Variants in PRR16 observed in about 807,000 individuals in gnomAD.
PRR16 encodes the protein proline rich 16.
PRR16 carries 6 observed loss-of-function variants against 18.2 expected under a neutral mutation model. That is an observed-to-expected ratio of 0.33 (90% confidence interval 0.18 to 0.65). The LOEUF (loss-of-function observed/expected upper bound fraction) is 0.65, where lower values mean the gene tolerates loss of function less well. PRR16 is among the 30% of genes least tolerant of loss of function. The pLI, the probability that PRR16 is intolerant of heterozygous loss-of-function variation, is 0.74. For missense variants in PRR16, 412 were observed against 376.6 expected, an observed-to-expected ratio of 1.09 and a Z score of -0.78; for synonymous variants, 151 against 147.8, an observed-to-expected ratio of 1.02 and a Z score of -0.16.
the PRR16 span, chr5:120,789,931 T>A: frequency 6.6e-6 from 1 of 152,188 alleles, no homozygotes; most frequent in Admixed American, 6.6e-5. Context: ...CATATTTATA[T>A]TTTGTTTTCC....
chr5:120,672,033 T>C (rs547336127), intron 1 of PRR16, among the ~76,000 whole-genome samples: 1 of 152,346 alleles, frequency 6.6e-6, no homozygotes, highest in African/African-American at 2.4e-5. Context: ...TGCCCAGGAT[T>C]TCCTGCCCTT....
At chr5:120,664,069 C>T (rs942879604) in intron 1 of PRR16, among the ~76,000 whole-genome samples, 2 of 152,142 alleles carry the variant, frequency 1.3e-5, no homozygotes, top group African/African-American at 2.4e-5. Flanking sequence ...GAGGCCGAGG[C>T]GGGCAGATCA....
At chr5:120,733,123 G>T in the PRR16 span, among the ~76,000 whole-genome samples, 2 of 152,058 alleles carry the variant, frequency 1.3e-5, no homozygotes, top group African/African-American at 4.8e-5. Flanking sequence ...ATAATGTGGT[G>T]GTATCTTTGG....
chr5:120,535,210 G>A (rs1381722994), intron 1 of PRR16, among the ~76,000 whole-genome samples: 1 of 152,074 alleles, frequency 6.6e-6, no homozygotes, highest in Non-Finnish European at 1.5e-5. Flanking sequence ...GTATCGTCAT[G>A]AGGAAGAGTA....
intron 1 of PRR16, among the ~76,000 whole-genome samples, chr5:120,579,955 GT>G (rs1753212439): frequency 6.6e-6 from 1 of 152,088 alleles, no homozygotes; most frequent in African/African-American, 2.4e-5. Flanking sequence ...CACTTCCCTT[GT>G]TAGGTGTATT....
At chr5:120,545,236 T>TTA (rs1752039668) in intron 1 of PRR16, among the ~76,000 whole-genome samples, 1 of 152,124 alleles carries the variant, frequency 6.6e-6, no homozygotes, top group South Asian at 2.1e-4. Flanking sequence ...CTCTTCCAAA[T>TTA]GTTTTAGTGT....
At chr5:120,561,858 C>T (rs775975218) in intron 1 of PRR16, among the ~76,000 whole-genome samples, 41 of 152,194 alleles carry the variant, frequency 2.7e-4, no homozygotes, top group African/African-American at 4.3e-4. Context: ...AAGTGCCTTT[C>T]GCCTTGCACT....
chr5:120,674,876 A>C (rs1423696372), intron 1 of PRR16, among the ~76,000 whole-genome samples: 1 of 151,710 alleles, frequency 6.6e-6, no homozygotes, highest in African/African-American at 2.4e-5. Flanking sequence ...TTTTATTTTT[A>C]AGCCATTAAT....
At chr5:120,701,873 T>C in the PRR16 span, among the ~76,000 whole-genome samples, 1 of 152,116 alleles carries the variant, frequency 6.6e-6, no homozygotes, top group Non-Finnish European at 1.5e-5. Flanking sequence ...ATTATTTAGA[T>C]CTTGCAGGAT....
chr5:120,695,584 C>T, the PRR16 span, among the ~76,000 whole-genome samples: 1 of 152,126 alleles, frequency 6.6e-6, no homozygotes, highest in East Asian at 1.9e-4. Flanking sequence ...CTGCCAATAC[C>T]CAATGGAGAA....
chr5:120,648,832 A>C (rs73784831), intron 1 of PRR16, among the ~76,000 whole-genome samples: 8,126 of 152,134 alleles, frequency 0.053, 750 homozygotes, highest in African/African-American at 0.19. Context: ...ATGGTAGCTT[A>C]TTTCAAGCTA....
At chr5:120,578,390 C>T (rs1029756465) in intron 1 of PRR16, among the ~76,000 whole-genome samples, 1 of 151,998 alleles carries the variant, frequency 6.6e-6, no homozygotes, top group Non-Finnish European at 1.5e-5. Flanking sequence ...TCTAAGTTCC[C>T]ACCCCTCAAC....
At chr5:120,540,270 C>T (rs1220962004) in intron 1 of PRR16, among the ~76,000 whole-genome samples, 3 of 152,158 alleles carry the variant, frequency 2.0e-5, no homozygotes, top group Non-Finnish European at 4.4e-5. Flanking sequence ...CCCTGAGGAA[C>T]CTCTTATCTG....
At chr5:120,557,122 T>G (rs1752438931) in intron 1 of PRR16, among the ~76,000 whole-genome samples, 1 of 151,922 alleles carries the variant, frequency 6.6e-6, no homozygotes, top group African/African-American at 2.4e-5. Flanking sequence ...TGAAATCTGT[T>G]GAAGACAGGT....
At chr5:120,615,402 T>C (rs1754475281) in intron 1 of PRR16, among the ~76,000 whole-genome samples, 1 of 130,440 alleles carries the variant, frequency 7.7e-6, no homozygotes, top group African/African-American at 2.8e-5. Context: ...TTTTTTTTTT[T>C]GATAAAATTT....
At chr5:120,602,450 C>G (rs961910769) in intron 1 of PRR16, among the ~76,000 whole-genome samples, 1 of 151,972 alleles carries the variant, frequency 6.6e-6, no homozygotes, top group African/African-American at 2.4e-5. Context: ...TTTATCAGTT[C>G]CAGTAGCCTT....
chr5:120,754,859 A>G, the PRR16 span, among the ~76,000 whole-genome samples: 6 of 151,308 alleles, frequency 4.0e-5, no homozygotes, highest in Admixed American at 6.7e-5. Context: ...TCGTAGTTCA[A>G]TAGTCAGAAA....
chr5:120,742,346 C>G, the PRR16 span, among the ~76,000 whole-genome samples: 1 of 149,216 alleles, frequency 6.7e-6, no homozygotes, highest in Non-Finnish European at 1.5e-5. Flanking sequence ...GCCAATTTTC[C>G]TCAGAAAATT....
chr5:120,715,132 C>A, the PRR16 span, among the ~76,000 whole-genome samples: 1 of 152,008 alleles, frequency 6.6e-6, no homozygotes, highest in Non-Finnish European at 1.5e-5. Flanking sequence ...TAGCCATAGC[C>A]AAGGTCATCT....
Sources: allele counts gnomAD v4.1 joint callset (sites outside exome capture counted in the v4.1 genomes callset), GRCh38; gene constraint gnomAD v4.1.1; transcripts MANE v1.5; gene names NCBI Gene and HGNC (gene_info 2026-07-23, HGNC 2026-07-21).